Variants in AGBL4 observed in about 807,000 individuals in gnomAD.
AGBL4 encodes AGBL carboxypeptidase 4, also known as cytosolic carboxypeptidase 6.
A neutral mutation model predicts 66.4 loss-of-function variants in AGBL4; 58 were observed. The observed-to-expected ratio is 0.87, with a 90% CI of 0.71 to 1.09. AGBL4 has a LOEUF of 1.09. Among genes scored for constraint, AGBL4 ranks in the 50% least tolerant of loss-of-function variants. The pLI is 0.00. For missense variants in AGBL4, 579 were observed against 631.0 expected, an observed-to-expected ratio of 0.92 and a Z score of 0.88; for synonymous variants, 234 against 222.9, an observed-to-expected ratio of 1.05 and a Z score of -0.44.
chr1:49,178,329 T>C (rs987246887), intron 4 of AGBL4, among the ~76,000 whole-genome samples: 2 of 152,222 alleles, frequency 1.3e-5, no homozygotes, highest in Non-Finnish European at 1.5e-5. Flanking sequence ...TTGGTGCTCA[T>C]TAATAGTACC....
chr1:49,526,472 GA>G (rs1453823498), intron 3 of AGBL4, among the ~76,000 whole-genome samples: 5 of 151,524 alleles, frequency 3.3e-5, no homozygotes, highest in Admixed American at 2.6e-4. Context: ...CTTAATAAGA[GA>G]AAAAAAAGAA....
intron 3 of AGBL4, among the ~76,000 whole-genome samples, chr1:49,333,179 T>TAAG (rs1645368450): frequency 1.3e-5 from 2 of 152,152 alleles, no homozygotes; most frequent in East Asian, 3.9e-4. Flanking sequence ...TAAAGTATAA[T>TAAG]AATAATAATA....
intron 3 of AGBL4, among the ~76,000 whole-genome samples, chr1:49,320,045 C>T (rs1404610229): frequency 6.6e-6 from 1 of 152,094 alleles, no homozygotes; most frequent in Non-Finnish European, 1.5e-5. Context: ...CATCCTTCCA[C>T]CTCCATCTCC....
At chr1:48,556,956 A>G (rs1644330184) in intron 11 of AGBL4, among the ~76,000 whole-genome samples, 1 of 151,950 alleles carries the variant, frequency 6.6e-6, no homozygotes, top group African/African-American at 2.4e-5. Flanking sequence ...AGCCTGGCTA[A>G]TTTTTTGTAT....
At chr1:48,737,789 T>TA (rs893719280) in intron 6 of AGBL4, among the ~76,000 whole-genome samples, 23 of 152,236 alleles carry the variant, frequency 1.5e-4, no homozygotes, top group African/African-American at 5.3e-4. Context: ...CATTAATCAT[T>TA]AAAAAAACAG....
At chr1:48,757,659 C>T (rs1228186851) in intron 6 of AGBL4, among the ~76,000 whole-genome samples, 1 of 152,140 alleles carries the variant, frequency 6.6e-6, no homozygotes, top group East Asian at 1.9e-4. Flanking sequence ...GAGCCACTAC[C>T]TTGGGGATAT....
At chr1:49,995,372 C>T (rs76105790) in intron 1 of AGBL4, 56 of 436,820 alleles carry the variant, frequency 1.3e-4, no homozygotes, top group East Asian at 7.8e-4. Context: ...CCTGTCACTG[C>T]GGCCTTTCCC....
intron 11 of AGBL4, among the ~76,000 whole-genome samples, chr1:48,554,977 G>T (rs1644300051): frequency 6.6e-6 from 1 of 152,106 alleles, no homozygotes; most frequent in Non-Finnish European, 1.5e-5. Flanking sequence ...TACTGTGCCA[G>T]ACGCTATGGG....
chr1:48,831,489 C>T (rs1253128063), intron 6 of AGBL4, among the ~76,000 whole-genome samples: 2 of 152,196 alleles, frequency 1.3e-5, no homozygotes, highest in Non-Finnish European at 2.9e-5. Flanking sequence ...CTTACTTTGT[C>T]GGGAAGGATG....
chr1:49,702,881 A>T (rs760900848), intron 2 of AGBL4, among the ~76,000 whole-genome samples: 2 of 152,114 alleles, frequency 1.3e-5, no homozygotes, highest in Non-Finnish European at 2.9e-5. Flanking sequence ...AAAAAATCTG[A>T]CAAAATCTTA....
At chr1:49,264,494 A>G (rs1653534972) in intron 3 of AGBL4, among the ~76,000 whole-genome samples, 2 of 151,590 alleles carry the variant, frequency 1.3e-5, no homozygotes, top group Admixed American at 1.3e-4. Context: ...TTATCTCTGG[A>G]CTTCAATTTC....
chr1:48,598,892 CACTT>C (rs1270916232), intron 9 of AGBL4, among the ~76,000 whole-genome samples: 2 of 152,134 alleles, frequency 1.3e-5, no homozygotes, highest in African/African-American at 2.4e-5. Context: ...CTTGTAATAA[CACTT>C]AGCTTAAAAC....
At chr1:49,298,622 T>C (rs934788354) in intron 3 of AGBL4, among the ~76,000 whole-genome samples, 4 of 150,844 alleles carry the variant, frequency 2.7e-5, no homozygotes, top group East Asian at 1.9e-4. Context: ...GTGCCTGGCC[T>C]CTCCTTCCTC....
At chr1:49,208,410 C>T (rs1648409454) in intron 4 of AGBL4, among the ~76,000 whole-genome samples, 1 of 152,028 alleles carries the variant, frequency 6.6e-6, no homozygotes. Context: ...CAGCAGTACT[C>T]CCCAACCTAT....
chr1:48,996,264 T>G (rs1433365100), intron 5 of AGBL4, among the ~76,000 whole-genome samples: 2 of 152,156 alleles, frequency 1.3e-5, no homozygotes, highest in Non-Finnish European at 2.9e-5. Flanking sequence ...TCAGGAGAAG[T>G]TAAGGTTGAA....
intron 1 of AGBL4, among the ~76,000 whole-genome samples, chr1:49,872,443 A>G (rs1024750539): frequency 6.6e-6 from 1 of 152,104 alleles, no homozygotes; most frequent in African/African-American, 2.4e-5. Context: ...TGGAAAAATA[A>G]AAGCCCCTTA....
chr1:48,725,772 A>G (rs538418039), intron 6 of AGBL4, among the ~76,000 whole-genome samples: 2 of 152,300 alleles, frequency 1.3e-5, no homozygotes, highest in East Asian at 3.9e-4. Context: ...TCTTGCCCTC[A>G]TATTACAATA....
intron 2 of AGBL4, chr1:49,845,055 C>G (rs1646101153): frequency 1.4e-6 from 2 of 1,454,926 alleles, no homozygotes; most frequent in East Asian, 2.3e-5. Flanking sequence ...TACAGAAAAC[C>G]TATGTAAAAG....
At chr1:49,513,187 C>A (rs1293455042) in intron 3 of AGBL4, among the ~76,000 whole-genome samples, 4 of 152,008 alleles carry the variant, frequency 2.6e-5, no homozygotes, top group African/African-American at 9.7e-5. Context: ...TTCCCAAATA[C>A]CATGCCAGAA....
Sources: allele counts gnomAD v4.1 joint callset (sites outside exome capture counted in the v4.1 genomes callset), GRCh38; gene constraint gnomAD v4.1.1; transcripts MANE v1.5; gene names NCBI Gene and HGNC (gene_info 2026-07-23, HGNC 2026-07-21).